The following ZNF91 variants were observed in gnomAD, a reference collection of about 807,000 sequenced individuals.
ZNF91 encodes the protein zinc finger protein 91 (HPF7, HTF10).
ZNF91 carries 7 observed loss-of-function variants against 12.6 expected under a neutral mutation model. The observed-to-expected ratio is 0.55, with a 90% CI of 0.31 to 1.04. The LOEUF is 1.04. Ranked by LOEUF, ZNF91 falls within the 50% of genes least tolerant of loss-of-function variation. The probability of loss-of-function intolerance (pLI) is 0.05; values close to 1 mark genes in which losing one functional copy is unlikely to be tolerated. For synonymous variants in ZNF91, 453 were observed against 462.6 expected, an observed-to-expected ratio of 0.98 and a Z score of 0.27; for missense variants, 1,217 against 1,385.4, an observed-to-expected ratio of 0.88 and a Z score of 1.93.
intron 3 of ZNF91, among the ~76,000 whole-genome samples, chr19:23,306,360 G>T (rs750221166): frequency 6.6e-6 from 1 of 152,196 alleles, no homozygotes; most frequent in African/African-American, 2.4e-5. Flanking sequence ...ACATCTGCCT[G>T]GGCCCAGCCC....
At chr19:23,313,674 T>C (rs537548844), upstream of ZNF91, among the ~76,000 whole-genome samples, 62 of 152,294 alleles carry the variant, frequency 4.1e-4, no homozygotes, top group South Asian at 0.012. Context: ...AAGATTTTCA[T>C]TCTTGCCCAT....
chr19:23,359,895 G>C lies in ZNF91; in HGVS notation c.3084C>G (p.Gly1028=), dbSNP rs1821845. 936,451 of 1,612,696 alleles carry C rather than the reference G, an allele frequency of 0.58. 278,383 individuals are homozygous for C. Among genetic ancestry groups the C allele is most frequent in the Middle Eastern group, 0.64 (3,894 of 6,056 alleles). ...GEKPYKCEEC[G]KAFNRSSKLT... The stretch of plus-strand genomic sequence containing the variant: ...GCTTTGAGGATCGATTAAAAGCTTT[G>C]CCACATTCTTCACATTTGTATGGTT... The change falls in exon 4 of 4, where the codon GGC becomes GGG. Residue 1028 remains glycine (G), a synonymous_variant. Coordinates refer to ENST00000300619, the MANE Select transcript of ZNF91 (RefSeq NM_003430.4).
In ZNF91 at chr19:23,361,720, T is replaced by C. The variant is rs756388258; in HGVS notation, c.1259A>G (p.Asn420Ser). ...ECGKAFNRSS[N>S]LTIHKFIHTG... ...ATGAATAAACTTATGTATAGTAAGA[T>C]TTGAAGATCGATTAAAAGCTTTGCC... Residue 420 changes from asparagine (N) to serine (S), a missense_variant, in exon 4 of 4, where the codon AAT (asparagine) becomes AGT (serine). Coordinates refer to ENST00000300619, the MANE Select transcript of ZNF91 (RefSeq NM_003430.4). The C allele has an allele frequency of 7.7e-5, 124 of 1,606,908 alleles. No individual in the cohort carries two copies. The highest frequency in any genetic ancestry group is 9.8e-5 in the Non-Finnish European group (115 of 1,176,618).
intron 3 of ZNF91, among the ~76,000 whole-genome samples, chr19:23,349,285 C>T (rs553809674): frequency 4.6e-5 from 7 of 152,112 alleles, no homozygotes; most frequent in Admixed American, 2.0e-4. Flanking sequence ...GGCTTGGGGT[C>T]GCCATCATGG....
At chr19:23,371,003 AT>A (rs1234118551) in intron 3 of ZNF91, among the ~76,000 whole-genome samples, 1 of 152,146 alleles carries the variant, frequency 6.6e-6, no homozygotes, top group Non-Finnish European at 1.5e-5. Flanking sequence ...AAATAATGCT[AT>A]TTCAAAGGCT....
chr19:23,370,390 G>A (rs1172033350), intron 3 of ZNF91, among the ~76,000 whole-genome samples: 1 of 152,154 alleles, frequency 6.6e-6, no homozygotes, highest in Admixed American at 6.5e-5. Context: ...GCTAGAGAGA[G>A]CATAAAATGG....
intron 1 of ZNF91, among the ~76,000 whole-genome samples, chr19:23,320,498 T>G (rs1247526789): frequency 1.3e-5 from 2 of 152,136 alleles, no homozygotes; most frequent in Non-Finnish European, 1.5e-5. Context: ...AGAAGGAGAA[T>G]CAGGAACCTT....
At chr19:23,338,387 C>T (rs1968055304), downstream of ZNF91, 1 of 150,734 alleles carries the variant, frequency 6.6e-6, no homozygotes, top group Non-Finnish European at 1.5e-5. Flanking sequence ...AAAAAGAAAA[C>T]TGCCAGCCAA....
intron 1 of ZNF91, among the ~76,000 whole-genome samples, chr19:23,384,329 G>A (rs556028308): frequency 1.1e-4 from 17 of 152,076 alleles, no homozygotes; most frequent in Non-Finnish European, 2.1e-4. Flanking sequence ...AGCCTGGCCA[G>A]GGCAGTGCAC....
upstream of ZNF91, among the ~76,000 whole-genome samples, chr19:23,314,722 C>T (rs73563476): frequency 7.7e-4 from 118 of 152,332 alleles, no homozygotes; most frequent in African/African-American, 2.7e-3. Context: ...CGTAACTCTT[C>T]TTCCTGGGCT....
chr19:23,364,382 T>C (rs1461421549), intron 3 of ZNF91, among the ~76,000 whole-genome samples: 3 of 152,222 alleles, frequency 2.0e-5, no homozygotes, highest in Admixed American at 6.5e-5. Flanking sequence ...GAGGCAGTGG[T>C]TGTGGTGAGC....
chr19:23,347,121 T>C (rs529825513), intron 3 of ZNF91, among the ~76,000 whole-genome samples: 47 of 150,862 alleles, frequency 3.1e-4, no homozygotes, highest in African/African-American at 1.0e-3. Context: ...TCACCCCCCC[T>C]ACACACTGTT....
At chr19:23,371,494 C>T (rs1225188002) in intron 3 of ZNF91, among the ~76,000 whole-genome samples, 2 of 152,044 alleles carry the variant, frequency 1.3e-5, no homozygotes, top group East Asian at 3.8e-4. Context: ...TTAATTAAAT[C>T]CCACACTGAC....
downstream of ZNF91, among the ~76,000 whole-genome samples, chr19:23,335,226 T>C (rs897185346): frequency 2.6e-5 from 4 of 152,196 alleles, no homozygotes; most frequent in Non-Finnish European, 5.9e-5. Context: ...GAGATGTCAG[T>C]TGGCCCCTAC....
At chr19:23,393,044 G>T (rs908175677) in intron 1 of ZNF91, among the ~76,000 whole-genome samples, 4 of 151,738 alleles carry the variant, frequency 2.6e-5, no homozygotes, top group Non-Finnish European at 5.9e-5. Context: ...CAGTTTTTTG[G>T]TTTTTTGGGT....
intron 1 of ZNF91, chr19:23,385,290 G>A: frequency 2.1e-6 from 1 of 484,898 alleles, no homozygotes; most frequent in Non-Finnish European, 3.7e-6. Flanking sequence ...AAAAAAATAA[G>A]TAACAGGATG....
At chr19:23,386,338 A>T (rs1161327745) in intron 1 of ZNF91, among the ~76,000 whole-genome samples, 9 of 152,002 alleles carry the variant, frequency 5.9e-5, no homozygotes, top group Admixed American at 5.9e-4. Flanking sequence ...ACCAAAAAAG[A>T]GTCTGAATAG....
downstream of ZNF91, among the ~76,000 whole-genome samples, chr19:23,355,367 T>C (rs1968460523): frequency 6.6e-6 from 1 of 152,180 alleles, no homozygotes; most frequent in Admixed American, 6.5e-5. Context: ...GTATACCCTT[T>C]CAACAAATGG....
At chr19:23,318,163 A>G (rs73924563) in intron 1 of ZNF91, among the ~76,000 whole-genome samples, 1,732 of 152,282 alleles carry the variant, frequency 0.011, 36 homozygotes, top group African/African-American at 0.039. Flanking sequence ...GTCACTGTGC[A>G]CAGAAGGCAT....
Sources: allele counts gnomAD v4.1 joint callset (sites outside exome capture counted in the v4.1 genomes callset), GRCh38; gene constraint gnomAD v4.1.1; transcripts MANE v1.5; gene names NCBI Gene and HGNC (gene_info 2026-07-23, HGNC 2026-07-21).